The following PHKB variants were observed in gnomAD, a reference collection of about 807,000 sequenced individuals.
PHKB encodes phosphorylase kinase regulatory subunit beta.
PHKB carries 122 observed loss-of-function variants against 152.1 expected under a neutral mutation model. The observed-to-expected ratio is 0.80, with a 90% CI of 0.69 to 0.93. The LOEUF is 0.93. Among genes scored for constraint, PHKB ranks in the 40% least tolerant of loss-of-function variants. The pLI is 0.00. For missense variants in PHKB, 1,304 were observed against 1,328.4 expected (o/e 0.98, Z 0.29); for synonymous variants, 436 against 464.9 (o/e 0.94, Z 0.80).
intron 7 of PHKB, among the ~76,000 whole-genome samples, chr16:47,556,908 T>A (rs1318903793): frequency 2.0e-5 from 3 of 152,190 alleles, no homozygotes; most frequent in Non-Finnish European, 4.4e-5. Context: ...CTGGACTCTT[T>A]TTGGTTGGCA....
chr16:47,565,160 T>C (rs1971544421), intron 7 of PHKB: 1 of 556,522 alleles, frequency 1.8e-6, no homozygotes. Context: ...AGAACTGAAC[T>C]TGGAAGCTAG....
Position 47,596,463 on chromosome 16 carries a change from G to T in PHKB, c.1295G>T (p.Ser432Ile). 6.2e-7 allele frequency: 1 copy of T among 1,613,854 alleles called. No homozygotes were observed. The highest frequency in any genetic ancestry group is 8.5e-7 in the Non-Finnish European group (1 of 1,179,780). The change falls in exon 13 of 31, where the codon AGC becomes ATC. Residue 432 changes from serine to isoleucine, a missense_variant. Physicochemically the swap from Ser to Ile is moderately radical, Grantham distance 142. Transcript: ENST00000323584. ...CCTGGTAGTCAAAAACGATTTCCTAGCAACTGTGGCCGTGATGGAAAACTG... is the reference window on the plus strand; with the variant it reads ...CCTGGTAGTCAAAAACGATTTCCTATCAACTGTGGCCGTGATGGAAAACTG... ...NNPGSQKRFP[S>I]NCGRDGKLFL...
At chr16:47,661,356 A>T (rs1973440760) in intron 22 of PHKB, among the ~76,000 whole-genome samples, 1 of 152,186 alleles carries the variant, frequency 6.6e-6, no homozygotes, top group Non-Finnish European at 1.5e-5. Flanking sequence ...TCAAGAAGGG[A>T]GTGGTTAAAT....
chr16:47,640,912 A>G, intron 14 of PHKB, 123 bp from the exon 15 acceptor site: 1 of 883,050 alleles, frequency 1.1e-6, no homozygotes, highest in Non-Finnish European at 1.9e-6. Flanking sequence ...GCTGAGAGCC[A>G]GCTGGTGTCC....
intron 6 of PHKB, among the ~76,000 whole-genome samples, chr16:47,538,035 A>G (rs1458062355): frequency 2.6e-5 from 4 of 151,962 alleles, no homozygotes; most frequent in East Asian, 1.9e-4. Context: ...TGGGACCACA[A>G]GCATATGTTA....
At chr16:47,485,695 C>G (rs1029472526) in intron 1 of PHKB, among the ~76,000 whole-genome samples, 1 of 152,200 alleles carries the variant, frequency 6.6e-6, no homozygotes, top group Non-Finnish European at 1.5e-5. Flanking sequence ...TCTTTGCTCA[C>G]TGCAACCTCT....
At chr16:47,578,963 C>T (rs1971796287) in intron 7 of PHKB, among the ~76,000 whole-genome samples, 1 of 151,902 alleles carries the variant, frequency 6.6e-6, no homozygotes, top group South Asian at 2.1e-4. Context: ...CATGTGCTGG[C>T]ATTTCTCAGT....
At chr16:47,567,077 G>A (rs1417191087) in intron 7 of PHKB, among the ~76,000 whole-genome samples, 1 of 152,016 alleles carries the variant, frequency 6.6e-6, no homozygotes, top group Non-Finnish European at 1.5e-5. Flanking sequence ...TATTCAGGAT[G>A]GTTTTTGGTT....
intron 7 of PHKB, among the ~76,000 whole-genome samples, chr16:47,557,927 A>G (rs185193708): frequency 6.6e-6 from 1 of 152,306 alleles, no homozygotes; most frequent in African/African-American, 2.4e-5. Context: ...ATAAAGACAC[A>G]TGCACACATA....
At chr16:47,566,292 C>T (rs1567308694) in intron 7 of PHKB, 34 of 1,003,794 alleles carry the variant, frequency 3.4e-5, no homozygotes, top group South Asian at 1.7e-4. Flanking sequence ...TGTGGCAGGA[C>T]GAGCCCTTCA....
intron 4 of PHKB, among the ~76,000 whole-genome samples, chr16:47,506,884 T>A (rs1970429011): frequency 6.6e-6 from 1 of 152,240 alleles, no homozygotes; most frequent in Non-Finnish European, 1.5e-5. Context: ...TGTGCTTGAC[T>A]GCATTCAAAG....
At chr16:47,683,927 C>T (rs1050315540) in intron 26 of PHKB, among the ~76,000 whole-genome samples, 11 of 152,144 alleles carry the variant, frequency 7.2e-5, no homozygotes, top group African/African-American at 2.4e-4. Context: ...ATTTGTTTAA[C>T]AGCAAACTTA....
rs117112408 is a variant in PHKB at position 47,649,544 on chromosome 16, A to T, written c.1797+340A>T. Among the ~76,000 whole-genome samples, 710 of 152,328 alleles carry T rather than the reference A, an allele frequency of 4.7e-3. 10 individuals carry two copies. In the East Asian group the frequency reaches 0.061, roughly 13 times the overall value. ...AAAGGTAAATTAGCAAAATAATTTT[A>T]TTTATGAAAAATATCCAGTAAAACC... On this transcript the variant is annotated intron_variant, in intron 18 of 30. Coordinates refer to ENST00000323584, the MANE Select transcript of PHKB (RefSeq NM_000293.3).
intron 7 of PHKB, chr16:47,561,782 T>G (rs906118503): frequency 1.3e-5 from 2 of 152,204 alleles, no homozygotes; most frequent in Non-Finnish European, 2.9e-5. Context: ...TATACTTCCT[T>G]GGATATTCTT....
At chr16:47,596,090 C>T (rs958291642) in intron 12 of PHKB, among the ~76,000 whole-genome samples, 4 of 152,076 alleles carry the variant, frequency 2.6e-5, no homozygotes, top group Admixed American at 6.6e-5. Context: ...TCATGGGGGG[C>T]GGTTTCCCCC....
At position 47,580,298 on chromosome 16, in the gene PHKB, G is replaced by A. The variant is rs772326970; in HGVS notation, c.714G>A (p.Ser238=). ...NNGSTELHSS[S]VGLAKAALEA... ...AGCATTTCCTTTTCTCTTTTAGCTC[G>A]GTTGGTTTAGCAAAAGCAGCTCTAG... The change falls in exon 8 of 31, where the codon TCG becomes TCA. Residue 238 remains serine, a synonymous_variant. Transcript: ENST00000323584. 2.8e-5 allele frequency: 45 copies of A among 1,611,418 alleles called. No individual in the cohort carries two copies. Among genetic ancestry groups the A allele is most frequent in the African/African-American group, 1.9e-4 (14 of 74,816 alleles).
chr16:47,671,265 G>A (rs1973633102), intron 26 of PHKB, among the ~76,000 whole-genome samples: 2 of 151,896 alleles, frequency 1.3e-5, no homozygotes, highest in Non-Finnish European at 2.9e-5. Flanking sequence ...AATTTTGTAT[G>A]TATTATGTAT....
At chr16:47,475,829 G>A (rs1277575448) in intron 1 of PHKB, among the ~76,000 whole-genome samples, 2 of 152,052 alleles carry the variant, frequency 1.3e-5, no homozygotes, top group Admixed American at 6.6e-5. Flanking sequence ...CAGTTTTCCT[G>A]TTCAAATTGA....
At chr16:47,544,577 G>A (rs929801256) in intron 6 of PHKB, among the ~76,000 whole-genome samples, 1 of 152,210 alleles carries the variant, frequency 6.6e-6, no homozygotes, top group Admixed American at 6.5e-5. Flanking sequence ...GATTTGGGGT[G>A]TAGAGTTCTG....
Sources: gnomAD v4.1 joint callset for allele counts (sites outside exome capture counted in the v4.1 genomes callset) on GRCh38, gnomAD v4.1.1 for gene constraint, MANE v1.5 for transcripts, NCBI Gene and HGNC (gene_info 2026-07-23, HGNC 2026-07-21) for gene names.